The following IKZF3 variants were observed in gnomAD, a reference collection of about 807,000 sequenced individuals.
IKZF3 encodes the protein IKAROS family zinc finger 3.
A neutral mutation model predicts 49.0 loss-of-function variants in IKZF3; 10 were observed. That is an observed-to-expected ratio of 0.20 (90% CI 0.13 to 0.35). IKZF3 has a LOEUF of 0.35. Ranked by LOEUF, IKZF3 falls within the 10% of genes least tolerant of loss-of-function variation. IKZF3 has a pLI of 1.00. For synonymous variants in IKZF3, 209 were observed against 228.2 expected (o/e 0.92, Z 0.76); for missense variants, 498 against 664.8 (o/e 0.75, Z 2.76).
intron 3 of IKZF3, among the ~76,000 whole-genome samples, chr17:39,806,236 A>G (rs2061429324): frequency 6.6e-6 from 1 of 152,248 alleles, no homozygotes; most frequent in Non-Finnish European, 1.5e-5. Flanking sequence ...ATATAGGCGT[A>G]GCATAGTAGC....
intron 4 of IKZF3, 111 bp downstream of exon 4, chr17:39,792,562 T>A (rs1415918256): frequency 8.9e-7 from 1 of 1,117,724 alleles, no homozygotes; most frequent in Non-Finnish European, 1.3e-6. Flanking sequence ...TACATCAGCA[T>A]TATAGCAAAA....
At chr17:39,853,830 G>A (rs1315835426) in intron 1 of IKZF3, among the ~76,000 whole-genome samples, 5 of 141,674 alleles carry the variant, frequency 3.5e-5, no homozygotes, top group Non-Finnish European at 6.0e-5. Context: ...GCGAAACTCC[G>A]TCTAAAAAAA....
chr17:39,799,571 G>A (rs1417073482), intron 3 of IKZF3, among the ~76,000 whole-genome samples: 3 of 152,130 alleles, frequency 2.0e-5, no homozygotes, highest in Admixed American at 6.5e-5. Context: ...AACCGCCTGG[G>A]AGCTTGTTAG....
chr17:39,773,733 AAG>A (rs1467682666), intron 7 of IKZF3, among the ~76,000 whole-genome samples: 1 of 152,218 alleles, frequency 6.6e-6, no homozygotes. Context: ...TTCTGCATCC[AAG>A]AGAGAAATCC....
At chr17:39,855,742 C>A (rs1371525483) in intron 1 of IKZF3, among the ~76,000 whole-genome samples, 2 of 152,020 alleles carry the variant, frequency 1.3e-5, no homozygotes, top group African/African-American at 4.8e-5. Flanking sequence ...GAGTGCTTCA[C>A]CTTATTATTT....
chr17:39,785,583 G>T (rs2060854517), intron 6 of IKZF3, among the ~76,000 whole-genome samples: 1 of 152,084 alleles, frequency 6.6e-6, no homozygotes, highest in Non-Finnish European at 1.5e-5. Context: ...GTAAGGTGGT[G>T]ACCTTACTTC....
chr17:39,774,464 A>G (rs1303598595), intron 7 of IKZF3, among the ~76,000 whole-genome samples: 3 of 152,162 alleles, frequency 2.0e-5, no homozygotes, highest in African/African-American at 7.2e-5. Flanking sequence ...AGATGGAGAG[A>G]AAACAGTAGC....
At chr17:39,798,941 A>G (rs34344462) in intron 3 of IKZF3, among the ~76,000 whole-genome samples, 14,002 of 151,890 alleles carry the variant, frequency 0.092, 1,311 homozygotes, top group African/African-American at 0.24. Context: ...TAGTCTCCCC[A>G]ATAAATATGT....
At chr17:39,774,551 A>T (rs1236175507) in intron 7 of IKZF3, among the ~76,000 whole-genome samples, 1 of 152,206 alleles carries the variant, frequency 6.6e-6, no homozygotes, top group African/African-American at 2.4e-5. Context: ...CGTTGACATT[A>T]CTATTTTCTA....
chr17:39,790,854 G>A (rs1034954485), intron 5 of IKZF3, among the ~76,000 whole-genome samples: 1 of 150,452 alleles, frequency 6.6e-6, no homozygotes, highest in African/African-American at 2.4e-5. Context: ...TCAGAAGTTT[G>A]AGACCAGCCT....
At chr17:39,791,000 C>A (rs2061004417) in intron 5 of IKZF3, among the ~76,000 whole-genome samples, 1 of 152,060 alleles carries the variant, frequency 6.6e-6, no homozygotes, top group Non-Finnish European at 1.5e-5. Context: ...ATCCAGATCA[C>A]AGTTTTTCAT....
chr17:39,779,842 T>G (rs2060691264), intron 6 of IKZF3, among the ~76,000 whole-genome samples: 1 of 152,128 alleles, frequency 6.6e-6, no homozygotes, highest in African/African-American at 2.4e-5. Flanking sequence ...TAAAATGAAC[T>G]ATCCATACAT....
rs149478396 is a variant in IKZF3, at chr17:39,831,458, T to C, written c.61+640A>G. ...TTCAGTGATAAATTAAATTTTGTAATATAATGTAAGCTTTGATTCACACAG... is the reference window on the plus strand; with the variant it reads ...TTCAGTGATAAATTAAATTTTGTAACATAATGTAAGCTTTGATTCACACAG... On this transcript the variant is annotated intron_variant, in intron 2 of 7. Coordinates refer to ENST00000346872, the MANE Select transcript of IKZF3 (RefSeq NM_012481.5). Among the ~76,000 whole-genome samples, 1,267 of 152,246 alleles carry C rather than the reference T, an allele frequency of 8.3e-3. 16 individuals are homozygous for C. The highest frequency in any genetic ancestry group is 0.029 in the African/African-American group (1,211 of 41,538).
At chr17:39,778,246 G>C in intron 6 of IKZF3, 1 of 873,192 alleles carries the variant, frequency 1.1e-6, no homozygotes, top group Non-Finnish European at 1.4e-6. Context: ...CACACAGATA[G>C]CAAGACATCT....
At chr17:39,783,558 G>A (rs2060797938) in intron 6 of IKZF3, among the ~76,000 whole-genome samples, 2 of 152,182 alleles carry the variant, frequency 1.3e-5, no homozygotes, top group South Asian at 2.1e-4. Flanking sequence ...CTGACCTCGC[G>A]ATCCGCCCAC....
At chr17:39,768,187 G>A (rs572512135) in intron 7 of IKZF3, among the ~76,000 whole-genome samples, 14 of 152,262 alleles carry the variant, frequency 9.2e-5, no homozygotes, top group African/African-American at 3.4e-4. Context: ...TACAGGCATC[G>A]GTGAGACAAT....
rs2060287664 is a variant in IKZF3 at position 39,766,227 on chromosome 17, G to C, written c.1093C>G (p.His365Asp). The C allele has an allele frequency of 6.2e-7, 1 of 1,614,166 alleles. No individual in the cohort carries two copies. Among genetic ancestry groups the C allele is most frequent in the East Asian group, 2.2e-5 (1 of 44,882 alleles). Residue 365 changes from histidine (H) to aspartate (D), a missense_variant, in exon 8 of 8, where the codon CAC (histidine) becomes GAC (aspartate). By Grantham distance (81) the His-to-Asp change is moderately conservative (BLOSUM62 -1). Around this residue, in one of 3 missense-constraint regions of IKZF3, gnomAD observed 317 missense variants for 397.3 expected, o/e 0.80. Transcript: ENST00000346872. ...APQELEKKSIHLPEKSVPSER... is the reference protein window; with the variant it reads ...APQELEKKSIDLPEKSVPSER... Reference sequence around the variant, plus strand: ...GAAGGCACGCTCTTCTCTGGAAGGTGGATGCTTTTCTTTTCCAGCTCTTGA... The same window carrying C: ...GAAGGCACGCTCTTCTCTGGAAGGTCGATGCTTTTCTTTTCCAGCTCTTGA...
chr17:39,763,675 T>A lies in IKZF3; in HGVS notation c.*2115A>T, dbSNP rs995379554. 2 of 152,196 alleles carry A rather than the reference T, an allele frequency of 1.3e-5. No homozygotes were observed. Among genetic ancestry groups the A allele is most frequent in the Non-Finnish European group, 2.9e-5 (2 of 68,044 alleles). 9.4% of individuals were successfully genotyped at this position (152,196 alleles called of 1,614,324 possible). On this transcript the variant is annotated 3_prime_UTR_variant, in exon 8 of 8. Coordinates refer to ENST00000346872, the MANE Select transcript of IKZF3 (RefSeq NM_012481.5). ...TTTCATACCAAAGGAATGTGAAACA[T>A]GTATTCATATAAATACTCTTCTGCT...
intron 1 of IKZF3, among the ~76,000 whole-genome samples, chr17:39,854,641 G>C (rs537277906): frequency 1.3e-5 from 2 of 152,352 alleles, no homozygotes; most frequent in Admixed American, 1.3e-4. Context: ...ATTTAGGATA[G>C]ACCATAATGG....
Sources: gnomAD v4.1 joint callset for allele counts (sites outside exome capture counted in the v4.1 genomes callset) on GRCh38, gnomAD v4.1.1 for gene constraint, gnomAD v4.1.1 regional missense constraint, MANE v1.5 for transcripts, NCBI Gene and HGNC (gene_info 2026-07-23, HGNC 2026-07-21) for gene names.